The following SLC41A2 variants were observed in gnomAD, a reference collection of about 807,000 sequenced individuals.
The protein encoded by SLC41A2 is SLC41A1-like 1.
In SLC41A2, 32 loss-of-function variants were observed where a neutral mutation model predicts 58.3. That is an observed-to-expected ratio of 0.55 (90% CI 0.41 to 0.74). The LOEUF is 0.74. Ranked by LOEUF, SLC41A2 falls within the 30% of genes least tolerant of loss-of-function variation. The pLI is 0.00. For missense variants in SLC41A2, 514 were observed against 680.6 expected (o/e 0.76, Z 2.72); for synonymous variants, 190 against 235.0 (o/e 0.81, Z 1.75).
intron 8 of SLC41A2, among the ~76,000 whole-genome samples, chr12:104,858,688 T>A (rs1391045698): frequency 1.3e-5 from 2 of 152,212 alleles, no homozygotes; most frequent in Non-Finnish European, 2.9e-5. Flanking sequence ...ATTTTTATAA[T>A]TTTTGTGCAG....
At chr12:104,850,402 G>A (rs1417441201) in intron 8 of SLC41A2, among the ~76,000 whole-genome samples, 1 of 152,060 alleles carries the variant, frequency 6.6e-6, no homozygotes, top group Non-Finnish European at 1.5e-5. Flanking sequence ...ATTATACTCA[G>A]AAATAAAGAT....
intron 10 of SLC41A2, among the ~76,000 whole-genome samples, chr12:104,821,673 G>A (rs1245536530): frequency 2.6e-5 from 4 of 152,134 alleles, no homozygotes; most frequent in Admixed American, 1.3e-4. Flanking sequence ...ACAATATTTA[G>A]GTGTCCAAAT....
chr12:104,863,203 C>T (rs979411390), intron 7 of SLC41A2, among the ~76,000 whole-genome samples: 9 of 152,078 alleles, frequency 5.9e-5, no homozygotes, highest in Non-Finnish European at 1.2e-4. Flanking sequence ...TCCGGGAGGC[C>T]GAAGTGAGAG....
intron 1 of SLC41A2, among the ~76,000 whole-genome samples, chr12:104,936,056 T>C (rs576745949): frequency 7.2e-6 from 1 of 139,292 alleles, no homozygotes; most frequent in Non-Finnish European, 1.6e-5. Context: ...AAAAAAAAAA[T>C]TCCTGTTGCC....
At chr12:104,878,088 C>A (rs2044144140) in intron 6 of SLC41A2, among the ~76,000 whole-genome samples, 1 of 151,772 alleles carries the variant, frequency 6.6e-6, no homozygotes, top group East Asian at 1.9e-4. Flanking sequence ...AGTTGTTTAT[C>A]TTCTGGAATC....
chr12:104,950,091 T>A (rs1006889865), intron 1 of SLC41A2, among the ~76,000 whole-genome samples: 7 of 152,142 alleles, frequency 4.6e-5, no homozygotes, highest in Non-Finnish European at 8.8e-5. Flanking sequence ...ACTATGGGGC[T>A]TAGGACTTTG....
At position 104,803,265 on chromosome 12, in the gene SLC41A2, T is replaced by TA. The variant is rs1592896085; in HGVS notation, c.*1886dup. 1.3e-5 allele frequency: 2 copies of TA among 152,258 alleles called. No homozygotes were observed. The highest frequency in any genetic ancestry group is 2.1e-4 in the South Asian group (1 of 4,818). The allele number at this position is 152,258 out of a possible 1,614,324, so 9.4% of individuals were successfully genotyped here. A position where few individuals can be genotyped will look rare whatever the true frequency, so the allele number is the denominator to read the frequency against. ...AAAGATATTCATGGATTTTTTTAAGTAAAAAATCTTTGCAGCTAAATATTC... is the reference window on the plus strand; with the variant it reads ...AAAGATATTCATGGATTTTTTTAAGTAAAAAAATCTTTGCAGCTAAATATTC... On this transcript the variant is annotated 3_prime_UTR_variant, in exon 11 of 11. Transcript: ENST00000258538.
intron 8 of SLC41A2, among the ~76,000 whole-genome samples, chr12:104,849,822 T>C (rs2042735268): frequency 6.6e-6 from 1 of 152,198 alleles, no homozygotes; most frequent in South Asian, 2.1e-4. Flanking sequence ...AATAAGACCC[T>C]ATCTTTAGTA....
chr12:104,828,790 A>C (rs2041940457), intron 10 of SLC41A2, among the ~76,000 whole-genome samples: 1 of 152,200 alleles, frequency 6.6e-6, no homozygotes, highest in Admixed American at 6.5e-5. Flanking sequence ...TCTAACAAAA[A>C]AGTAGTATCC....
At position 104,942,569 on chromosome 12, in the gene SLC41A2, T is replaced by A. The variant is rs76409683; in HGVS notation, c.-167-13875A>T. ...TCATCACTCAGCACCTCCTCCCCTA[T>A]ACAGTCACAGGAACGTTTATTTAGA... is the stretch of plus-strand genomic sequence containing the variant. On this transcript the variant is annotated intron_variant, in intron 1 of 10. Coordinates refer to ENST00000258538, the MANE Select transcript of SLC41A2 (RefSeq NM_001352171.3). 4.6e-3 allele frequency among the ~76,000 whole-genome samples: 700 copies of A among 152,152 alleles called. 4 individuals carry two copies. The highest frequency in any genetic ancestry group is 0.016 in the African/African-American group (671 of 41,524).
intron 10 of SLC41A2, among the ~76,000 whole-genome samples, chr12:104,842,719 A>G (rs2042458087): frequency 6.6e-6 from 1 of 152,088 alleles, no homozygotes; most frequent in Admixed American, 6.6e-5. Flanking sequence ...TTTAGATCAG[A>G]GGTTTAAAAG....
chr12:104,935,241 G>A (rs2047215452), intron 1 of SLC41A2, among the ~76,000 whole-genome samples: 1 of 151,034 alleles, frequency 6.6e-6, no homozygotes, highest in Non-Finnish European at 1.5e-5. Context: ...TCATAGGCAT[G>A]AGCCACCACG....
In SLC41A2 at chr12:104,804,868, T is replaced by C; in HGVS notation, c.*284A>G. On this transcript the variant is annotated 3_prime_UTR_variant, in exon 11 of 11. Transcript: ENST00000258538. ...TGTTTGTGGTTTTAAAATTATTCACTGTAAACATCCTATATTCTTTCCTAA... is the reference window on the plus strand; with the variant it reads ...TGTTTGTGGTTTTAAAATTATTCACCGTAAACATCCTATATTCTTTCCTAA... 1 of 209,362 alleles carries C rather than the reference T, an allele frequency of 4.8e-6. No individual in the cohort carries two copies. Among genetic ancestry groups the C allele is most frequent in the Non-Finnish European group, 9.5e-6 (1 of 105,312 alleles). The allele number at this position is 209,362 out of a possible 1,614,324, so 13.0% of individuals were successfully genotyped here.
intron 3 of SLC41A2, 102 bp from the exon 4 acceptor site, chr12:104,895,447 G>A (rs2045232264): frequency 3.8e-6 from 3 of 779,886 alleles, no homozygotes; most frequent in East Asian, 2.6e-5. Flanking sequence ...TAATTCTTCA[G>A]TAAATCCAAT....
intron 1 of SLC41A2, among the ~76,000 whole-genome samples, chr12:104,946,591 G>A (rs901857816): frequency 4.6e-5 from 7 of 152,098 alleles, no homozygotes; most frequent in Non-Finnish European, 1.0e-4. Flanking sequence ...ATTTTAAAAG[G>A]AGAATACTAA....
chr12:104,873,210 C>T (rs1212498675), intron 6 of SLC41A2, among the ~76,000 whole-genome samples: 1 of 152,082 alleles, frequency 6.6e-6, no homozygotes. Context: ...CCCGTAACTA[C>T]CATTCTACTC....
intron 2 of SLC41A2, among the ~76,000 whole-genome samples, chr12:104,923,750 T>C (rs186586194): frequency 1.2e-3 from 180 of 152,238 alleles, no homozygotes; most frequent in African/African-American, 4.3e-3. Flanking sequence ...CATACAACTA[T>C]TGAACCATGA....
Position 104,940,787 on chromosome 12 carries a change from C to T in SLC41A2, c.-167-12093G>A, listed in dbSNP as rs183109293. Among the ~76,000 whole-genome samples the T allele has an allele frequency of 4.1e-3, 618 of 151,796 alleles. 2 individuals are homozygous for T. Among genetic ancestry groups the T allele is most frequent in the Non-Finnish European group, 5.9e-3 (403 of 67,872 alleles). On this transcript the variant is annotated intron_variant, in intron 1 of 10. Transcript: ENST00000258538. ...ACAAAAAATTAGCTGGGTGTGGTGG[C>T]AGACGCCTGTAGTCCCACCTACTCA...
Position 104,911,432 on chromosome 12 carries a change from T to C in SLC41A2, c.556-1670A>G, listed in dbSNP as rs74565985. Reference sequence around the variant, plus strand: ...TAAAATAACAGATATTAAAGATATATATAAAGATATTAAAGATACAAATAT... The same window carrying C: ...TAAAATAACAGATATTAAAGATATACATAAAGATATTAAAGATACAAATAT... On this transcript the variant is annotated intron_variant, in intron 2 of 10. Coordinates refer to ENST00000258538, the MANE Select transcript of SLC41A2 (RefSeq NM_001352171.3). Among the ~76,000 whole-genome samples, 3 of 152,144 alleles carry C rather than the reference T, an allele frequency of 2.0e-5. No individual in the cohort carries two copies. In the East Asian group the frequency reaches 5.8e-4, roughly 29 times the overall value.
Sources: allele counts gnomAD v4.1 joint callset (sites outside exome capture counted in the v4.1 genomes callset), GRCh38; gene constraint gnomAD v4.1.1; transcripts MANE v1.5; gene names NCBI Gene and HGNC (gene_info 2026-07-23, HGNC 2026-07-21).